Variants in NSMAF observed in about 807,000 individuals in gnomAD.
The protein encoded by NSMAF is neutral sphingomyelinase activation associated factor, also known as protein FAN.
A neutral mutation model predicts 134.9 loss-of-function variants in NSMAF; 90 were observed. That is an observed-to-expected ratio of 0.67 (90% confidence interval 0.56 to 0.79). The LOEUF (loss-of-function observed/expected upper bound fraction) is 0.79. NSMAF is among the 30% of genes least tolerant of loss of function. The pLI, the probability that NSMAF is intolerant of heterozygous loss-of-function variation, is 0.00. For missense variants in NSMAF, 1,010 were observed against 1,119.0 expected (o/e 0.90, Z 1.39); for synonymous variants, 358 against 389.6 (o/e 0.92, Z 0.96).
rs1023110044 is a variant in NSMAF at position 58,603,059 on chromosome 8, T to C, written c.1045+151A>G. ...CTTATATAGTATCCTGGAATGGAAA[T>C]TGGCAGTCCTTAGCAATACAACTGA... On this transcript the variant is annotated intron_variant, in intron 13 of 30. Transcript: ENST00000038176. 2.2e-4 allele frequency: 153 copies of C among 709,466 alleles called. 1 individual carries two copies. The highest frequency in any genetic ancestry group is 3.3e-4 in the Non-Finnish European group (142 of 428,384). The allele number at this position is 709,466 out of a possible 1,614,324, so 43.9% of individuals were successfully genotyped here. A position where few individuals can be genotyped will look rare whatever the true frequency, so the allele number is the denominator to read the frequency against.
chr8:58,594,535 C>T (rs1263418490), intron 22 of NSMAF: 1 of 494,456 alleles, frequency 2.0e-6, no homozygotes, highest in Non-Finnish European at 3.6e-6. Context: ...ACATGCAATG[C>T]TTTACATATT....
In NSMAF at chr8:58,623,219, C is replaced by T; in HGVS notation, c.557+1G>A. The stretch of plus-strand genomic sequence containing the variant: ...ATTAGGAAAGATCATTAGAAACTTA[C>T]CTGTTTTTGTCAAATGATGTTCTAG... On this transcript the variant is annotated splice_donor_variant, in intron 9 of 30. Coordinates refer to ENST00000038176, the MANE Select transcript of NSMAF (RefSeq NM_003580.4). LOFTEE classifies it high-confidence loss of function. 8 of 1,601,200 alleles carry T rather than the reference C, an allele frequency of 5.0e-6. No individual in the cohort carries two copies. The highest frequency in any genetic ancestry group is 6.8e-6 in the Non-Finnish European group (8 of 1,170,168).
At chr8:58,605,611 C>T (rs188907490) in intron 12 of NSMAF, among the ~76,000 whole-genome samples, 1 of 152,096 alleles carries the variant, frequency 6.6e-6, no homozygotes, top group East Asian at 1.9e-4. Context: ...AAATTAGACC[C>T]ACAAAGAGGC....
At chr8:58,601,048 C>A in intron 16 of NSMAF, 1 of 356,768 alleles carries the variant, frequency 2.8e-6, no homozygotes, top group Non-Finnish European at 5.0e-6. Context: ...ATGGGAAAAA[C>A]TTTAAGATTT....
intron 2 of NSMAF, among the ~76,000 whole-genome samples, chr8:58,638,883 C>T (rs1807263825): frequency 2.0e-5 from 3 of 152,186 alleles, no homozygotes; most frequent in African/African-American, 7.2e-5. Context: ...TGATAAGGGG[C>T]TAATATCCAA....
chr8:58,632,978 C>G (rs1405673003), intron 5 of NSMAF, among the ~76,000 whole-genome samples: 1 of 152,200 alleles, frequency 6.6e-6, no homozygotes, highest in Non-Finnish European at 1.5e-5. Flanking sequence ...CAATGACCAC[C>G]TCTCACCATC....
chr8:58,608,304 A>G (rs924009480), intron 10 of NSMAF, among the ~76,000 whole-genome samples: 3 of 152,258 alleles, frequency 2.0e-5, no homozygotes, highest in Admixed American at 6.5e-5. Flanking sequence ...TAAGGCTCAC[A>G]GATTACTAAA....
At position 58,588,472 on chromosome 8, in the gene NSMAF, G is replaced by A. The variant is rs1262858544; in HGVS notation, c.2212-771C>T. 24 of 1,167,730 alleles carry A rather than the reference G, an allele frequency of 2.1e-5. No homozygotes were observed. The South Asian group carries it at 2.2e-4, about 11-fold the overall frequency. The allele number at this position is 1,167,730 out of a possible 1,614,324, so 72.3% of individuals were successfully genotyped here. ...AGCACCCGCAGGTCTAAATTGGGGT[G>A]GGGGTGTTCGGTCCTTGCAGGCTTC... On this transcript the variant is annotated intron_variant, in intron 26 of 30. Transcript: ENST00000038176.
intron 2 of NSMAF, among the ~76,000 whole-genome samples, chr8:58,640,603 T>G (rs373650630): frequency 6.6e-6 from 1 of 152,214 alleles, no homozygotes; most frequent in South Asian, 2.1e-4. Flanking sequence ...TTTGCAATAC[T>G]TTTTCATCTT....
intron 10 of NSMAF, 84 bp downstream of exon 10, chr8:58,609,520 G>T: frequency 1.4e-6 from 2 of 1,430,864 alleles, no homozygotes; most frequent in Non-Finnish European, 2.0e-6. Flanking sequence ...TCATCAAAAA[G>T]TGAGGTCCCT....
chr8:58,606,918 G>C (rs985914254), intron 11 of NSMAF, among the ~76,000 whole-genome samples: 1 of 152,126 alleles, frequency 6.6e-6, no homozygotes, highest in African/African-American at 2.4e-5. Flanking sequence ...CTTAATCAAT[G>C]TTAATTTCTT....
chr8:58,659,284 C>T, intron 1 of NSMAF: 2 of 1,520,062 alleles, frequency 1.3e-6, no homozygotes, highest in Non-Finnish European at 1.8e-6. Context: ...GCCGCCGGGA[C>T]CTGCACTGCC....
chr8:58,658,057 A>AAAAAAAC (rs1807760396), intron 1 of NSMAF, among the ~76,000 whole-genome samples: 1 of 152,254 alleles, frequency 6.6e-6, no homozygotes, highest in Non-Finnish European at 1.5e-5. Context: ...TATATCAAAA[A>AAAAAAAC]GGCCAATATG....
At chr8:58,633,550 T>C (rs1047325288) in intron 5 of NSMAF, among the ~76,000 whole-genome samples, 1 of 152,224 alleles carries the variant, frequency 6.6e-6, no homozygotes, top group Non-Finnish European at 1.5e-5. Context: ...TTATTGTCTG[T>C]CTCCCCCACT....
At chr8:58,589,921 G>C (rs947155708) in intron 25 of NSMAF, 86 bp downstream of exon 25, 4 of 1,122,596 alleles carry the variant, frequency 3.6e-6, no homozygotes, top group Non-Finnish European at 5.3e-6. Flanking sequence ...TCCTGGCAGG[G>C]AAAGCTTCTG....
At chr8:58,597,670 G>T in intron 20 of NSMAF, 120 bp from the exon 21 acceptor site, 2 of 1,038,438 alleles carry the variant, frequency 1.9e-6, no homozygotes, top group Non-Finnish European at 2.9e-6. Context: ...CAGCAACTAT[G>T]TACCAGGATT....
chr8:58,589,102 G>C (rs1805962516), intron 26 of NSMAF, among the ~76,000 whole-genome samples: 1 of 149,538 alleles, frequency 6.7e-6, no homozygotes, highest in Admixed American at 6.7e-5. Context: ...CAAAGTATGT[G>C]ATACGTAAGG....
Position 58,595,587 on chromosome 8 carries a change from A to G in NSMAF, c.1865T>C (p.Leu622Ser), listed in dbSNP as rs773421761. The change falls in exon 22 of 31, where the codon TTA (leucine) becomes TCA (serine). Residue 622 changes from leucine (L) to serine (S), a missense_variant. Coordinates refer to ENST00000038176, the MANE Select transcript of NSMAF (RefSeq NM_003580.4). The stretch of plus-strand genomic sequence containing the variant: ...TTTGTGGATTTTATAGTGCTCGTGT[A>G]ACTGCAGTTTGGTGATGTTATTCCA... ...LAWNNITKLQ[L>S]HEHYKIHKEA... is the part of the protein sequence containing the mutation. 1 of 1,613,494 alleles carries G rather than the reference A, an allele frequency of 6.2e-7. No individual in the cohort carries two copies. Among genetic ancestry groups the G allele is most frequent in the South Asian group, 1.1e-5 (1 of 91,080 alleles).
Position 58,591,047 on chromosome 8 carries a change from A to G in NSMAF, c.1952-113T>C, listed in dbSNP as rs185223131. ...GGCCAACAGTACACTTTATACTCCA[A>G]AGTATAATCTTATGGAAAACCGAAT... is the stretch of plus-strand genomic sequence containing the variant. On this transcript the variant is annotated intron_variant, in intron 23 of 30. Transcript: ENST00000038176. 56 of 1,227,016 alleles carry G rather than the reference A, an allele frequency of 4.6e-5. No individual in the cohort carries two copies. In the African/African-American group the frequency reaches 8.3e-4, roughly 18 times the overall value. 76.0% of individuals were successfully genotyped at this position (1,227,016 alleles called of 1,614,324 possible).
Sources: allele counts gnomAD v4.1 joint callset (sites outside exome capture counted in the v4.1 genomes callset), GRCh38; gene constraint gnomAD v4.1.1; transcripts MANE v1.5; gene names NCBI Gene and HGNC (gene_info 2026-07-23, HGNC 2026-07-21).